MFN1: variants seen among roughly 807,000 people sequenced by gnomAD.
The protein encoded by MFN1 is mitofusin-1.
In MFN1, 65 loss-of-function variants were observed where a neutral mutation model predicts 92.4. That is an observed-to-expected ratio of 0.70 (90% CI 0.58 to 0.86). The LOEUF (loss-of-function observed/expected upper bound fraction) is 0.86, where lower values mean the gene tolerates loss of function less well. Among genes scored for constraint, MFN1 ranks in the 40% least tolerant of loss-of-function variants. MFN1 has a pLI of 0.00. For synonymous variants in MFN1, 297 were observed against 300.9 expected, an observed-to-expected ratio of 0.99 and a Z score of 0.13; for missense variants, 781 against 868.0, an observed-to-expected ratio of 0.90 and a Z score of 1.26.
intron 10 of MFN1, among the ~76,000 whole-genome samples, chr3:179,376,598 C>G (rs34894010): frequency 0.033 from 4,950 of 152,172 alleles, 118 homozygotes; most frequent in East Asian, 0.07. Context: ...CTTGGAGCTA[C>G]TCATTTCTAC....
intron 16 of MFN1, among the ~76,000 whole-genome samples, chr3:179,389,664 G>C (rs1242288759): frequency 6.6e-6 from 1 of 152,094 alleles, no homozygotes; most frequent in Non-Finnish European, 1.5e-5. Flanking sequence ...TGTCACAAAA[G>C]TGCATGGAAT....
In MFN1 at chr3:179,369,066, A is replaced by T. The variant is rs139193245; in HGVS notation, c.975+963A>T. Among the ~76,000 whole-genome samples the T allele has an allele frequency of 9.7e-3, 1,483 of 152,306 alleles. 51 individuals carry two copies. The South Asian group carries it at 0.11, about 11-fold the overall frequency. ...ATCCACTGCCAGCTATCTCGATAAGATCTAATTGTTCAGAGGCTACTGGAT... is the reference window on the plus strand; with the variant it reads ...ATCCACTGCCAGCTATCTCGATAAGTTCTAATTGTTCAGAGGCTACTGGAT... On this transcript the variant is annotated intron_variant, in intron 9 of 17. Transcript: ENST00000471841.
At chr3:179,391,960 G>A (rs1341304988) in intron 17 of MFN1, 21 bp from the exon 18 acceptor site, 2 of 1,453,614 alleles carry the variant, frequency 1.4e-6, no homozygotes, top group South Asian at 1.2e-5. Context: ...AATTAGATTG[G>A]TGTTTTATTT....
chr3:179,372,758 A>G (rs2108543010), intron 9 of MFN1, among the ~76,000 whole-genome samples: 1 of 152,256 alleles, frequency 6.6e-6, no homozygotes, highest in Non-Finnish European at 1.5e-5. Flanking sequence ...TTGGATCTTC[A>G]TTGCTGATAT....
chr3:179,381,119 A>G (rs1713449022), intron 14 of MFN1, among the ~76,000 whole-genome samples: 1 of 152,226 alleles, frequency 6.6e-6, no homozygotes, highest in African/African-American at 2.4e-5. Context: ...AGATGATTTC[A>G]TTGACCTCGC....
At chr3:179,375,757 T>C (rs1713214743) in intron 10 of MFN1, among the ~76,000 whole-genome samples, 1 of 152,218 alleles carries the variant, frequency 6.6e-6, no homozygotes, top group African/African-American at 2.4e-5. Context: ...TTATACTAGT[T>C]GTGTTTGTTT....
In MFN1 at chr3:179,392,145, A is replaced by C; in HGVS notation, c.*86A>C. 1.1e-6 allele frequency: 1 copy of C among 875,086 alleles called. No individual in the cohort carries two copies. The highest frequency in any genetic ancestry group is 1.8e-6 in the Non-Finnish European group (1 of 541,536). 54.2% of individuals were successfully genotyped at this position (875,086 alleles called of 1,614,324 possible). A position where few individuals can be genotyped will look rare whatever the true frequency, so the allele number is the denominator to read the frequency against. The stretch of plus-strand genomic sequence containing the variant: ...TTGTTATTTTTATGAAATTACTTTA[A>C]ATATGAATTGTACTAACTGTACCTA... On this transcript the variant is annotated 3_prime_UTR_variant, in exon 18 of 18. Coordinates refer to ENST00000471841, the MANE Select transcript of MFN1 (RefSeq NM_033540.3).
intron 14 of MFN1, 57 bp from the exon 15 acceptor site, chr3:179,385,512 G>T: frequency 6.7e-7 from 1 of 1,486,784 alleles, no homozygotes; most frequent in Non-Finnish European, 9.0e-7. Flanking sequence ...GTTTTATAAA[G>T]ATAACTTTAT....
rs142599625 is a variant in MFN1 at position 179,365,590 on chromosome 3, C to A, written c.753+365C>A. On this transcript the variant is annotated intron_variant, in intron 7 of 17. Transcript: ENST00000471841. ...GGCCAAATTTTACAAATTTAACACACCTGTTTCAAAATCCAGATCAAAAAG... is the reference window on the plus strand; with the variant it reads ...GGCCAAATTTTACAAATTTAACACAACTGTTTCAAAATCCAGATCAAAAAG... 4.4e-3 allele frequency among the ~76,000 whole-genome samples: 666 copies of A among 152,230 alleles called. 1 individual carries two copies. Among genetic ancestry groups the A allele is most frequent in the Non-Finnish European group, 7.0e-3 (476 of 68,012 alleles).
chr3:179,391,917 A>G, intron 17 of MFN1, 64 bp from the exon 18 acceptor site: 1 of 995,582 alleles, frequency 1.0e-6, no homozygotes, highest in Non-Finnish European at 1.6e-6. Context: ...TTAATAATGG[A>G]TGGAATGCAT....
Position 179,384,669 on chromosome 3 carries a change from A to G in MFN1, c.1663-900A>G, listed in dbSNP as rs1288254966. ...CCACCTCTGCTTCCAAGGAGCTGGG[A>G]CCACAGGCATGTGCCACCACACCTA... On this transcript the variant is annotated intron_variant, in intron 14 of 17. Coordinates refer to ENST00000471841, the MANE Select transcript of MFN1 (RefSeq NM_033540.3). Among the ~76,000 whole-genome samples, 5 of 152,160 alleles carry G rather than the reference A, an allele frequency of 3.3e-5. No homozygotes were observed. The South Asian group carries it at 1.0e-3, about 32-fold the overall frequency.
chr3:179,382,210 A>G (rs932603260), intron 14 of MFN1, among the ~76,000 whole-genome samples: 3 of 152,192 alleles, frequency 2.0e-5, no homozygotes, highest in African/African-American at 7.2e-5. Flanking sequence ...TCCTAATGCT[A>G]TCCCTCCTCC....
chr3:179,365,943 T>A (rs1219074652), intron 7 of MFN1, among the ~76,000 whole-genome samples: 1 of 152,240 alleles, frequency 6.6e-6, no homozygotes, highest in African/African-American at 2.4e-5. Context: ...TAATTTACTG[T>A]ATTCAGTTAT....
rs750891155 is a variant in MFN1, at chr3:179,365,971, TG to T, written c.753+747del. Among the ~76,000 whole-genome samples the T allele has an allele frequency of 6.0e-4, 91 of 152,366 alleles. No individual in the cohort carries two copies. In the East Asian group the frequency reaches 8.7e-3, roughly 15 times the overall value. On this transcript the variant is annotated intron_variant, in intron 7 of 17. Coordinates refer to ENST00000471841, the MANE Select transcript of MFN1 (RefSeq NM_033540.3). ...TCAGTTATGAATGCTACTGTGCATA[TG>T]CTTGTATATGTCCTTCTGGTATGCA...
chr3:179,353,305 A>G (rs1266271781), intron 3 of MFN1, among the ~76,000 whole-genome samples: 2 of 150,906 alleles, frequency 1.3e-5, no homozygotes, highest in African/African-American at 2.4e-5. Flanking sequence ...AGCCCAGGCA[A>G]TCCGCCCACC....
intron 5 of MFN1, 62 bp from the exon 6 acceptor site, chr3:179,364,235 A>C: frequency 8.4e-7 from 1 of 1,184,546 alleles, no homozygotes; most frequent in South Asian, 1.8e-5. Flanking sequence ...AGCTGAAAAA[A>C]TTCTGTAACC....
chr3:179,391,255 A>G (rs1490479814), intron 17 of MFN1, among the ~76,000 whole-genome samples: 1 of 152,186 alleles, frequency 6.6e-6, no homozygotes, highest in African/African-American at 2.4e-5. Context: ...GATAAAATAG[A>G]TTATTGGCAT....
intron 7 of MFN1, among the ~76,000 whole-genome samples, chr3:179,365,962 C>T (rs1379387052): frequency 6.6e-6 from 1 of 152,160 alleles, no homozygotes; most frequent in East Asian, 1.9e-4. Flanking sequence ...ATGAATGCTA[C>T]TGTGCATATG....
intron 9 of MFN1, among the ~76,000 whole-genome samples, chr3:179,374,711 AT>A (rs1713170234): frequency 6.6e-6 from 1 of 152,178 alleles, no homozygotes; most frequent in African/African-American, 2.4e-5. Context: ...TAGCTTTCAA[AT>A]TCTTCACATT....
Sources: allele counts gnomAD v4.1 joint callset (sites outside exome capture counted in the v4.1 genomes callset), GRCh38; gene constraint gnomAD v4.1.1; transcripts MANE v1.5; gene names NCBI Gene and HGNC (gene_info 2026-07-23, HGNC 2026-07-21).